Variants in SYNPO observed in about 807,000 individuals in gnomAD.
The protein encoded by SYNPO is synaptopodin.
Under a neutral mutation model 49.5 loss-of-function variants are expected in SYNPO, and 19 were observed. The observed-to-expected ratio is 0.38, with a 90% CI of 0.27 to 0.56. The LOEUF is 0.56. Ranked by LOEUF, SYNPO falls within the 20% of genes least tolerant of loss-of-function variation. The probability of loss-of-function intolerance (pLI) is 0.68; values close to 1 mark genes in which losing one functional copy is unlikely to be tolerated. For missense variants in SYNPO, 1,131 were observed against 1,248.3 expected, an observed-to-expected ratio of 0.91 and a Z score of 1.42; for synonymous variants, 536 against 548.0, an observed-to-expected ratio of 0.98 and a Z score of 0.31.
chr5:150,599,984 C>A (rs1011697890), upstream of SYNPO, among the ~76,000 whole-genome samples: 3 of 152,140 alleles, frequency 2.0e-5, no homozygotes, highest in African/African-American at 7.2e-5. Context: ...AGGGACCCTG[C>A]CTGGAGGGAG....
At chr5:150,650,397 A>T (rs1020088413) in intron 2 of SYNPO, 94 bp downstream of exon 2, 10 of 1,569,818 alleles carry the variant, frequency 6.4e-6, no homozygotes, top group South Asian at 1.1e-5. Flanking sequence ...TGGAGAGCAG[A>T]TGTGGCAGGA....
At chr5:150,589,447 C>T in the SYNPO span, among the ~76,000 whole-genome samples, 1 of 152,224 alleles carries the variant, frequency 6.6e-6, no homozygotes, top group Non-Finnish European at 1.5e-5. Flanking sequence ...AGACGCTCTG[C>T]ACGTCATTAC....
intron 1 of SYNPO, among the ~76,000 whole-genome samples, chr5:150,610,097 C>T (rs1044016320): frequency 2.6e-5 from 4 of 152,226 alleles, no homozygotes; most frequent in South Asian, 4.1e-4. Flanking sequence ...GGGGACTTGG[C>T]TGGTTCTGTG....
At chr5:150,650,455 T>C in intron 2 of SYNPO, 152 bp downstream of exon 2, 1 of 1,526,808 alleles carries the variant, frequency 6.5e-7, no homozygotes. Flanking sequence ...TGGTTCAAGG[T>C]CAGATGCGGC....
chr5:150,627,387 C>T (rs1757391972), intron 2 of SYNPO, among the ~76,000 whole-genome samples: 1 of 152,192 alleles, frequency 6.6e-6, no homozygotes, highest in South Asian at 2.1e-4. Flanking sequence ...GCTGCCCACT[C>T]ACTTACTGTG....
intron 2 of SYNPO, chr5:150,653,334 T>C (rs1758454683): frequency 6.6e-6 from 1 of 152,256 alleles, no homozygotes; most frequent in African/African-American, 2.4e-5. Flanking sequence ...TCAATCCCGT[T>C]TGAGCCCTTC....
chr5:150,606,032 C>T (rs534531109), intron 1 of SYNPO, among the ~76,000 whole-genome samples: 5 of 152,294 alleles, frequency 3.3e-5, no homozygotes, highest in South Asian at 2.1e-4. Flanking sequence ...CATAGAAACA[C>T]GTACAGACAC....
At chr5:150,618,078 G>A (rs911478862) in intron 1 of SYNPO, 2 of 324,216 alleles carry the variant, frequency 6.2e-6, no homozygotes. Flanking sequence ...CTCATGTGCT[G>A]TTTCTTTCTT....
At chr5:150,651,295 C>T (rs904526845) in intron 2 of SYNPO, 19 of 1,000,848 alleles carry the variant, frequency 1.9e-5, no homozygotes, top group East Asian at 1.1e-4. Flanking sequence ...AGGAGGGTTC[C>T]GGTCCCATGT....
upstream of SYNPO, among the ~76,000 whole-genome samples, chr5:150,638,666 G>A (rs374096121): frequency 5.3e-5 from 8 of 152,210 alleles, no homozygotes; most frequent in East Asian, 5.8e-4. Context: ...TCTTTGTGGC[G>A]GGCCCAGAGT....
At chr5:150,615,623 A>G (rs1298109590) in intron 1 of SYNPO, among the ~76,000 whole-genome samples, 1 of 152,250 alleles carries the variant, frequency 6.6e-6, no homozygotes, top group Non-Finnish European at 1.5e-5. Context: ...CACCTGCCCC[A>G]GTTCACAGTC....
chr5:150,653,056 C>T (rs1181433981), intron 2 of SYNPO: 1 of 152,204 alleles, frequency 6.6e-6, no homozygotes, highest in Non-Finnish European at 1.5e-5. Flanking sequence ...ACACATGTGC[C>T]CTGCTTTGGG....
chr5:150,605,096 A>G (rs757253901), intron 1 of SYNPO, among the ~76,000 whole-genome samples: 9 of 152,210 alleles, frequency 5.9e-5, no homozygotes, highest in Non-Finnish European at 1.2e-4. Context: ...TAGGTGCTCA[A>G]TGAACACTCC....
the SYNPO span, among the ~76,000 whole-genome samples, chr5:150,588,776 C>CTT: frequency 1.3e-5 from 2 of 150,910 alleles, no homozygotes; most frequent in African/African-American, 4.9e-5. Context: ...AATATGGAAC[C>CTT]TTTTTTTTTA....
chr5:150,598,328 A>T (rs899838043), upstream of SYNPO, among the ~76,000 whole-genome samples: 1 of 152,218 alleles, frequency 6.6e-6, no homozygotes, highest in Non-Finnish European at 1.5e-5. Flanking sequence ...TCATCCTGTC[A>T]CCAGGGACAG....
intron 1 of SYNPO, among the ~76,000 whole-genome samples, chr5:150,643,814 C>T (rs572488605): frequency 6.6e-5 from 10 of 152,126 alleles, no homozygotes; most frequent in East Asian, 2.0e-4. Context: ...ATTACAGGCG[C>T]GAGCCACCGC....
At chr5:150,645,351 G>C in intron 1 of SYNPO, among the ~76,000 whole-genome samples, 1 of 152,008 alleles carries the variant, frequency 6.6e-6, no homozygotes, top group Admixed American at 6.5e-5. Context: ...AGGGAGGAGA[G>C]GGGCAATGGA....
At chr5:150,616,089 G>A (rs1393861910) in intron 1 of SYNPO, among the ~76,000 whole-genome samples, 1 of 152,192 alleles carries the variant, frequency 6.6e-6, no homozygotes, top group East Asian at 1.9e-4. Context: ...GATCCGGATG[G>A]TTGTTTGCCT....
Position 150,656,596 on chromosome 5 carries a change from C to T in SYNPO, c.2221C>T (p.Arg741Ter). The T allele has an allele frequency of 6.6e-7, 1 of 1,516,406 alleles. No homozygotes were observed. Among genetic ancestry groups the T allele is most frequent in the East Asian group, 2.6e-5 (1 of 38,300 alleles). 93.9% of individuals were successfully genotyped at this position (1,516,406 alleles called of 1,614,324 possible). Residue 741 changes from arginine to a stop codon, truncating the protein, a stop_gained, in exon 3 of 3, where the codon CGA (arginine) becomes TGA (stop). Coordinates refer to ENST00000307662, the MANE Select transcript of SYNPO (RefSeq NM_007286.6). LOFTEE classifies it low-confidence loss of function (END_TRUNC). ...SWSERSVSPL[R>*]PETEARPPSR... ...GAGCGAGCGCTCGGTGTCCCCGCTG[C>T]GACCTGAGACCGAGGCGCGGCCCCC...
Sources: allele counts gnomAD v4.1 joint callset (sites outside exome capture counted in the v4.1 genomes callset), GRCh38; gene constraint gnomAD v4.1.1; transcripts MANE v1.5; gene names NCBI Gene and HGNC (gene_info 2026-07-23, HGNC 2026-07-21).